Variants in ANKHD1 observed in about 807,000 individuals in gnomAD.
ANKHD1 encodes ankyrin repeat and KH domain-containing protein 1.
In ANKHD1, 31 loss-of-function variants were observed where a neutral mutation model predicts 230.5. That is an observed-to-expected ratio of 0.13 (90% CI 0.10 to 0.18). ANKHD1 has a LOEUF of 0.18. Ranked by LOEUF, ANKHD1 falls within the 10% of genes least tolerant of loss-of-function variation. The pLI is 1.00. For missense variants in ANKHD1, 2,256 were observed against 3,071.3 expected (o/e 0.73, Z 6.27); for synonymous variants, 1,074 against 1,117.6 (o/e 0.96, Z 0.78).
Position 140,535,506 on chromosome 5 carries a change from C to T in ANKHD1, c.6995C>T (p.Ser2332Phe). ...GTPSFNRQHF[S>F]PHPWTSASNS... is the part of the protein sequence containing the mutation. ...CCTAGTTTCAACAGACAACATTTTT[C>T]TCCCCATCCTTGGACAAGCGCCTCA... The change falls in exon 30 of 34, where the codon TCT becomes TTT. Residue 2332 changes from serine to phenylalanine, a missense_variant. Transcript: ENST00000360839. 1 of 1,611,664 alleles carries T rather than the reference C, an allele frequency of 6.2e-7. No homozygotes were observed. The highest frequency in any genetic ancestry group is 8.5e-7 in the Non-Finnish European group (1 of 1,179,222).
intron 1 of ANKHD1, among the ~76,000 whole-genome samples, chr5:140,402,871 G>A (rs1439482655): frequency 6.6e-6 from 1 of 151,500 alleles, no homozygotes; most frequent in African/African-American, 2.4e-5. Context: ...GGAAAAGGAA[G>A]TTCCAGGGCA....
chr5:140,490,482 A>T (rs1347894595), intron 14 of ANKHD1, among the ~76,000 whole-genome samples: 1 of 152,170 alleles, frequency 6.6e-6, no homozygotes, highest in Non-Finnish European at 1.5e-5. Context: ...GTTTTCAAGG[A>T]TTCAGGATTC....
intron 14 of ANKHD1, among the ~76,000 whole-genome samples, chr5:140,491,145 T>C (rs1372935351): frequency 4.9e-4 from 47 of 95,346 alleles, no homozygotes; most frequent in African/African-American, 1.8e-3. Flanking sequence ...TACACATATA[T>C]ATATATATAT....
intron 1 of ANKHD1, among the ~76,000 whole-genome samples, chr5:140,427,891 C>T (rs1374460990): frequency 2.0e-5 from 3 of 150,210 alleles, no homozygotes; most frequent in Non-Finnish European, 4.4e-5. Context: ...GGGCGGCTGC[C>T]AGGTGGAGGG....
At chr5:140,412,847 G>A (rs1252488698) in intron 1 of ANKHD1, among the ~76,000 whole-genome samples, 1 of 152,204 alleles carries the variant, frequency 6.6e-6, no homozygotes, top group African/African-American at 2.4e-5. Context: ...AAACCAGGAA[G>A]AAAGTAAGGT....
chr5:140,416,440 T>A (rs1771398798), intron 1 of ANKHD1, among the ~76,000 whole-genome samples: 1 of 152,192 alleles, frequency 6.6e-6, no homozygotes, highest in Non-Finnish European at 1.5e-5. Flanking sequence ...TTAGCACCAT[T>A]TGTTAAAGAC....
intron 10 of ANKHD1, among the ~76,000 whole-genome samples, chr5:140,479,507 T>G (rs1581316818): frequency 6.6e-6 from 1 of 152,042 alleles, no homozygotes; most frequent in Non-Finnish European, 1.5e-5. Flanking sequence ...AGTAGTACGA[T>G]GTATACAAAT....
At chr5:140,519,620 G>A (rs986945697) in intron 24 of ANKHD1, among the ~76,000 whole-genome samples, 2 of 152,058 alleles carry the variant, frequency 1.3e-5, no homozygotes, top group Admixed American at 6.6e-5. Flanking sequence ...CAGAAATAAC[G>A]CCGCATGTCT....
chr5:140,474,630 T>TTTG (rs1307691413), intron 10 of ANKHD1, among the ~76,000 whole-genome samples: 3 of 147,396 alleles, frequency 2.0e-5, no homozygotes, highest in African/African-American at 7.5e-5. Context: ...ATGGTCTCAC[T>TTTG]TTGTCGCTCA....
chr5:140,492,131 A>T (rs1275603721), intron 14 of ANKHD1, among the ~76,000 whole-genome samples: 2 of 152,220 alleles, frequency 1.3e-5, no homozygotes, highest in Non-Finnish European at 2.9e-5. Context: ...CATTAAAATT[A>T]TATAGAAAAA....
In ANKHD1 at chr5:140,485,256, A is replaced by G; in HGVS notation, c.1998+8A>G. On this transcript the variant is annotated splice_region_variant and intron_variant, in intron 12 of 33. Transcript: ENST00000360839. The surrounding 1 kb of genome is among the most constrained non-coding windows in gnomAD (Gnocchi z 4.8). Reference sequence around the variant, plus strand: ...CCTACTCATCGACTCAAGGTAGTCTACTTAAAAATAAGTAAACAGGCTGTG... The same window carrying G: ...CCTACTCATCGACTCAAGGTAGTCTGCTTAAAAATAAGTAAACAGGCTGTG... 6.2e-7 allele frequency: 1 copy of G among 1,606,198 alleles called. No individual in the cohort carries two copies.
At chr5:140,442,926 G>A (rs1005321474) in intron 5 of ANKHD1, among the ~76,000 whole-genome samples, 2 of 149,256 alleles carry the variant, frequency 1.3e-5, no homozygotes, top group Middle Eastern at 3.2e-3. Flanking sequence ...TTTTTTTTGA[G>A]ATGGAGTCTC....
Position 140,527,302 on chromosome 5 carries a change from C to A in ANKHD1, c.5087+228C>A. 1 of 472,696 alleles carries A rather than the reference C, an allele frequency of 2.1e-6. No individual in the cohort carries two copies. The highest frequency in any genetic ancestry group is 3.5e-6 in the Non-Finnish European group (1 of 289,822). 29.3% of individuals were successfully genotyped at this position (472,696 alleles called of 1,614,324 possible). On this transcript the variant is annotated intron_variant, in intron 27 of 33. Coordinates refer to ENST00000360839, the MANE Select transcript of ANKHD1 (RefSeq NM_017747.3). This position sits in a 1 kb window ranked among gnomAD's most constrained non-coding sequence, Gnocchi z 4.5. ...TGGCTTTTTTGGATAACCTCAGTTG[C>A]TTTTTATGTAGTTCAAATGTAAAGG...
intron 10 of ANKHD1, among the ~76,000 whole-genome samples, chr5:140,480,246 A>C (rs979761710): frequency 1.3e-5 from 2 of 152,082 alleles, no homozygotes; most frequent in Non-Finnish European, 2.9e-5. Context: ...GGAAAATAAA[A>C]TAGGTAGCTT....
At chr5:140,444,776 C>G (rs1328734811) in intron 5 of ANKHD1, among the ~76,000 whole-genome samples, 1 of 152,072 alleles carries the variant, frequency 6.6e-6, no homozygotes, top group African/African-American at 2.4e-5. Context: ...GTAGAATATT[C>G]CCATCACCAC....
At chr5:140,510,738 T>C (rs1304456862) in intron 22 of ANKHD1, among the ~76,000 whole-genome samples, 3 of 152,178 alleles carry the variant, frequency 2.0e-5, no homozygotes, top group East Asian at 1.9e-4. Context: ...AAAACTATTA[T>C]ATGCAGATGG....
intron 1 of ANKHD1, among the ~76,000 whole-genome samples, chr5:140,417,833 C>CTTTT (rs35322010): frequency 2.5e-4 from 27 of 106,810 alleles, no homozygotes; most frequent in Non-Finnish European, 3.8e-4. Flanking sequence ...CCCATATAGT[C>CTTTT]TTTTTTTTTT....
chr5:140,464,878 T>C, intron 10 of ANKHD1, 102 bp downstream of exon 10: 4 of 1,182,722 alleles, frequency 3.4e-6, no homozygotes, highest in Non-Finnish European at 4.5e-6. Flanking sequence ...GTACTTTGTA[T>C]ACAGTAACTT....
At chr5:140,419,812 T>C (rs990368698) in intron 1 of ANKHD1, among the ~76,000 whole-genome samples, 27 of 141,472 alleles carry the variant, frequency 1.9e-4, no homozygotes, top group Non-Finnish European at 3.9e-4. Flanking sequence ...CTTTCTTTCT[T>C]TCTTTCTTTC....
Sources: allele counts gnomAD v4.1 joint callset (sites outside exome capture counted in the v4.1 genomes callset), GRCh38; gene constraint gnomAD v4.1.1; non-coding constraint Gnocchi (gnomAD v3.1); transcripts MANE v1.5; gene names NCBI Gene and HGNC (gene_info 2026-07-23, HGNC 2026-07-21).